CFAP47: variants seen among roughly 807,000 people sequenced by gnomAD.
CFAP47 encodes cilia and flagella associated protein 47.
CFAP47 carries 29 observed loss-of-function variants against 148.1 expected under a neutral mutation model. The ratio of observed to expected loss-of-function variants is 0.20; its 90% CI spans 0.15 to 0.27. The LOEUF (loss-of-function observed/expected upper bound fraction) is 0.27. CFAP47 is among the 10% of genes least tolerant of loss of function. CFAP47 has a pLI of 1.00. For missense variants in CFAP47, 1,872 were observed against 1,697.5 expected (o/e 1.10, Z -1.81); for synonymous variants, 664 against 577.3 (o/e 1.15, Z -2.15).
chrX:36,362,875 A>G (rs1355013458), intron 61 of CFAP47, among the ~76,000 whole-genome samples: 4 of 111,646 alleles, frequency 3.6e-5, no homozygotes, highest in African/African-American at 1.3e-4. Flanking sequence ...GACATTTTCT[A>G]TGTTTGTATT....
intron 38 of CFAP47, among the ~76,000 whole-genome samples, chrX:36,160,392 G>T (rs1162126031): frequency 2.7e-5 from 3 of 111,781 alleles, no homozygotes; most frequent in African/African-American, 9.8e-5. Context: ...TGGTGGTTCT[G>T]GGGGTAGACA....
intron 21 of CFAP47, among the ~76,000 whole-genome samples, chrX:36,007,149 C>CT (rs1936990619): frequency 8.9e-6 from 1 of 112,161 alleles, no homozygotes; most frequent in Non-Finnish European, 1.9e-5. Context: ...TGTATTTTCC[C>CT]TGCAGTTTTT....
intron 56 of CFAP47, among the ~76,000 whole-genome samples, chrX:36,318,562 C>T (rs782377785): frequency 3.2e-4 from 36 of 111,612 alleles, no homozygotes; most frequent in Middle Eastern, 4.6e-3. Context: ...AATGTAAATG[C>T]TATGTAAATA....
rs1941943065 is a variant in CFAP47 at position 36,371,667 on chromosome X, CACACATGTGTATATAT to C, written c.9185+4541_9185+4556del. Among the ~76,000 whole-genome samples, 9 of 76,502 alleles carry C rather than the reference CACACATGTGTATATAT, an allele frequency of 1.2e-4. 1 individual carries two copies. The highest frequency in any genetic ancestry group is 4.5e-4 in the African/African-American group (8 of 17,942). 66.4% of individuals were successfully genotyped at this position (76,502 alleles called of 115,157 possible). A position where few individuals can be genotyped will look rare whatever the true frequency, so the allele number is the denominator to read the frequency against. On this transcript the variant is annotated intron_variant, in intron 62 of 63. Transcript: ENST00000378653. ...ATATGTGTATATATGTGTGTATATA[CACACATGTGTATATAT>C]GTGTGTATATACACACATGTGTATA...
rs185596293 is a variant in CFAP47, at chrX:36,273,827, C to T, written c.7445-6660C>T. ...TGTGACAAGAATTTGAGTGTCTCTTCCACAGTAGCTAATTAACAATAAAAA... is the reference window on the plus strand; with the variant it reads ...TGTGACAAGAATTTGAGTGTCTCTTTCACAGTAGCTAATTAACAATAAAAA... On this transcript the variant is annotated intron_variant, in intron 49 of 63. Coordinates refer to ENST00000378653, the MANE Select transcript of CFAP47 (RefSeq NM_001304548.2). Among the ~76,000 whole-genome samples the T allele has an allele frequency of 8.6e-4, 95 of 110,386 alleles. 2 individuals carry two copies. The highest frequency in any genetic ancestry group is 4.5e-3 in the Admixed American group (46 of 10,298).
At position 36,084,369 on chromosome X, in the gene CFAP47, A is replaced by G. The variant is rs374755192; in HGVS notation, c.4692-945A>G. On this transcript the variant is annotated intron_variant, in intron 29 of 63. Transcript: ENST00000378653. ...AGGATACACTAGCTCTATCATACCC[A>G]TTACTTATGAAGAAACTAAGGAACA... is the stretch of plus-strand genomic sequence containing the variant. 1.9e-4 allele frequency among the ~76,000 whole-genome samples: 21 copies of G among 111,806 alleles called. No individual in the cohort carries two copies. The East Asian group carries it at 5.6e-3, about 30-fold the overall frequency.
chrX:36,008,124 A>G (rs953351492), intron 21 of CFAP47, among the ~76,000 whole-genome samples: 5 of 111,246 alleles, frequency 4.5e-5, no homozygotes, highest in Non-Finnish European at 9.4e-5. Context: ...AAGCCCCAGT[A>G]ACTGTCGATT....
chrX:35,980,593 G>A (rs2146674550), intron 15 of CFAP47, among the ~76,000 whole-genome samples: 1 of 111,164 alleles, frequency 9.0e-6, no homozygotes, highest in South Asian at 3.7e-4. Context: ...CTAGCTTTTT[G>A]GCTAATTTAT....
intron 2 of CFAP47, among the ~76,000 whole-genome samples, chrX:35,938,771 C>T (rs562033574): frequency 9.0e-6 from 1 of 111,707 alleles, no homozygotes; most frequent in South Asian, 3.7e-4. Flanking sequence ...AAAATTACAG[C>T]AGTTGTTTAT....
intron 57 of CFAP47, among the ~76,000 whole-genome samples, chrX:36,341,210 T>C (rs1941650391): frequency 9.1e-6 from 1 of 109,489 alleles, no homozygotes; most frequent in Non-Finnish European, 1.9e-5. Flanking sequence ...TAATTTTTTG[T>C]ATTTTTAGTA....
chrX:36,379,467 A>G lies in CFAP47; in HGVS notation c.9303A>G (p.Gly3101=), dbSNP rs1242120864. ...FNTNGTLITV[G]FKPKMYCRKY... is the part of the protein sequence containing the mutation. ...CAAACGGAACTCTCATCACTGTAGGATTTAAACCTAAAATGTACTGTAGGA... is the reference window on the plus strand; with the variant it reads ...CAAACGGAACTCTCATCACTGTAGGGTTTAAACCTAAAATGTACTGTAGGA... The change falls in exon 63 of 64, where the codon GGA becomes GGG. Residue 3101 remains glycine, a synonymous_variant. Transcript: ENST00000378653. 2.1e-5 allele frequency: 24 copies of G among 1,162,786 alleles called. No individual in the cohort carries two copies. Among genetic ancestry groups the G allele is most frequent in the Non-Finnish European group, 2.8e-5 (24 of 869,452 alleles).
intron 57 of CFAP47, among the ~76,000 whole-genome samples, chrX:36,331,691 T>C (rs147956782): frequency 6.2e-3 from 690 of 111,385 alleles, no homozygotes; most frequent in African/African-American, 0.022. Context: ...TCCAACACAT[T>C]AGTAAATACT....
At chrX:36,119,384 C>T (rs190398662) in intron 33 of CFAP47, among the ~76,000 whole-genome samples, 34 of 111,720 alleles carry the variant, frequency 3.0e-4, no homozygotes, top group Non-Finnish European at 2.6e-4. Context: ...ATATGTTGAA[C>T]CATCCTTACA....
chrX:36,175,773 C>G (rs1939665660), intron 39 of CFAP47, among the ~76,000 whole-genome samples: 1 of 111,440 alleles, frequency 9.0e-6, no homozygotes. Flanking sequence ...GCCCTGCCCC[C>G]AGAGGTGGAG....
chrX:35,979,016 T>C (rs1160377130), intron 15 of CFAP47, among the ~76,000 whole-genome samples: 1 of 111,718 alleles, frequency 9.0e-6, no homozygotes, highest in East Asian at 2.8e-4. Context: ...TCACTGTTGT[T>C]GCCCAGGCTG....
At chrX:36,262,276 T>C (rs1013272613) in intron 49 of CFAP47, among the ~76,000 whole-genome samples, 7 of 111,640 alleles carry the variant, frequency 6.3e-5, no homozygotes, top group African/African-American at 2.3e-4. Flanking sequence ...TATTATTGTC[T>C]ATAGTCACCC....
chrX:36,093,851 C>A (rs913400320), intron 30 of CFAP47, among the ~76,000 whole-genome samples: 1 of 110,544 alleles, frequency 9.0e-6, no homozygotes, highest in Admixed American at 9.6e-5. Flanking sequence ...TGTCTATTTT[C>A]TTTGTTGATT....
chrX:36,283,364 A>T (rs1941100170), intron 50 of CFAP47, among the ~76,000 whole-genome samples: 1 of 111,791 alleles, frequency 8.9e-6, no homozygotes, highest in Admixed American at 9.5e-5. Context: ...CATGTCTAGT[A>T]CTGTAGGAAC....
At chrX:36,036,198 C>T (rs1447783159) in intron 24 of CFAP47, among the ~76,000 whole-genome samples, 3 of 110,872 alleles carry the variant, frequency 2.7e-5, no homozygotes, top group Non-Finnish European at 5.7e-5. Flanking sequence ...CTTTGATCAA[C>T]GTCTCCCCAT....
Sources: allele counts gnomAD v4.1 joint callset (sites outside exome capture counted in the v4.1 genomes callset), GRCh38; gene constraint gnomAD v4.1.1; transcripts MANE v1.5; gene names NCBI Gene and HGNC (gene_info 2026-07-23, HGNC 2026-07-21).